The following CDKAL1 variants were observed in gnomAD, a reference collection of about 807,000 sequenced individuals.
The protein encoded by CDKAL1 is CDKAL1 threonylcarbamoyladenosine tRNA methylthiotransferase, also known as threonylcarbamoyladenosine tRNA methylthiotransferase.
Under a neutral mutation model 68.2 loss-of-function variants are expected in CDKAL1, and 32 were observed. That is an observed-to-expected ratio of 0.47 (90% confidence interval 0.35 to 0.63). The LOEUF is 0.63. CDKAL1 is among the 30% of genes least tolerant of loss of function. CDKAL1 has a pLI of 0.00. For missense variants in CDKAL1, 606 were observed against 696.7 expected, an observed-to-expected ratio of 0.87 and a Z score of 1.47; for synonymous variants, 234 against 244.3, an observed-to-expected ratio of 0.96 and a Z score of 0.39.
intron 11 of CDKAL1, among the ~76,000 whole-genome samples, chr6:21,009,737 C>A (rs962090023): frequency 3.9e-5 from 6 of 152,060 alleles, no homozygotes; most frequent in Non-Finnish European, 8.8e-5. Flanking sequence ...CTGAAATAAA[C>A]CAGGCACAGA....
At chr6:21,135,758 G>T (rs1649765893) in intron 13 of CDKAL1, 22 of 949,122 alleles carry the variant, frequency 2.3e-5, no homozygotes, top group Non-Finnish European at 2.8e-5. Flanking sequence ...GCTCAGGAAG[G>T]CAGTGCCAGA....
chr6:20,909,559 CAG>C (rs1762376679), intron 9 of CDKAL1, among the ~76,000 whole-genome samples: 1 of 152,166 alleles, frequency 6.6e-6, no homozygotes, highest in African/African-American at 2.4e-5. Context: ...GCATAAAACA[CAG>C]ATTTTATTTT....
At chr6:20,546,060 A>C (rs1425197040) in intron 2 of CDKAL1, among the ~76,000 whole-genome samples, 1 of 151,242 alleles carries the variant, frequency 6.6e-6, no homozygotes, top group East Asian at 1.9e-4. Flanking sequence ...TTCCTCTCCT[A>C]CTTTTTCCTA....
Position 20,781,181 on chromosome 6 carries a change from ATGGAAGGCGGCT to A in CDKAL1, c.558_569del (p.Arg187_Gly190del). 2 of 1,614,018 alleles carry A rather than the reference ATGGAAGGCGGCT, an allele frequency of 1.2e-6. No homozygotes were observed. The highest frequency in any genetic ancestry group is 1.1e-5 in the South Asian group (1 of 91,058). On this transcript the variant is annotated inframe_deletion, in exon 8 of 16. Coordinates refer to ENST00000274695, the MANE Select transcript of CDKAL1 (RefSeq NM_017774.3). ...AGACTGCTGGGTCAGAAAAAGGATA[ATGGAAGGCGGCT>A]TGGGGGAGCACGATTGGATTTGCCG...
intron 4 of CDKAL1, among the ~76,000 whole-genome samples, chr6:20,618,681 T>C (rs1767037849): frequency 6.6e-6 from 1 of 151,852 alleles, no homozygotes; most frequent in Non-Finnish European, 1.5e-5. Flanking sequence ...TATCAATTCT[T>C]TTCGTTTTTT....
chr6:20,905,783 T>A (rs1430349414), intron 9 of CDKAL1, among the ~76,000 whole-genome samples: 15 of 151,570 alleles, frequency 9.9e-5, no homozygotes, highest in Non-Finnish European at 2.1e-4. Context: ...TGGGCCAACA[T>A]AAAAGAAAAA....
At chr6:20,541,566 G>A (rs1246700334) in intron 2 of CDKAL1, among the ~76,000 whole-genome samples, 2 of 152,156 alleles carry the variant, frequency 1.3e-5, no homozygotes, top group South Asian at 2.1e-4. Flanking sequence ...GACTGACCTT[G>A]AACTGGTCAT....
At chr6:20,760,955 A>C (rs1774434429) in intron 7 of CDKAL1, among the ~76,000 whole-genome samples, 1 of 152,220 alleles carries the variant, frequency 6.6e-6, no homozygotes, top group South Asian at 2.1e-4. Flanking sequence ...GACACTGTCA[A>C]GAGGATGGGA....
intron 13 of CDKAL1, among the ~76,000 whole-genome samples, chr6:21,196,068 T>C (rs931664662): frequency 3.3e-5 from 5 of 152,206 alleles, no homozygotes; most frequent in Non-Finnish European, 7.3e-5. Context: ...TTACTGTCAT[T>C]GTTATCATCT....
chr6:20,916,563 A>G (rs2150637261), intron 9 of CDKAL1, among the ~76,000 whole-genome samples: 1 of 152,322 alleles, frequency 6.6e-6, no homozygotes, highest in East Asian at 1.9e-4. Flanking sequence ...GTTGAGAAGC[A>G]GTGGGCAGGA....
At chr6:20,701,354 A>G (rs1038663544) in intron 5 of CDKAL1, among the ~76,000 whole-genome samples, 1 of 151,048 alleles carries the variant, frequency 6.6e-6, no homozygotes, top group Non-Finnish European at 1.5e-5. Flanking sequence ...GGAAAAACCG[A>G]TGAATGGCAG....
chr6:20,687,242 T>C (rs1303051484), intron 5 of CDKAL1, among the ~76,000 whole-genome samples: 1 of 152,186 alleles, frequency 6.6e-6, no homozygotes, highest in African/African-American at 2.4e-5. Flanking sequence ...GAAAAAGTTA[T>C]GGAAAATTGT....
chr6:21,014,460 A>C (rs2150846677), intron 11 of CDKAL1, among the ~76,000 whole-genome samples: 1 of 152,162 alleles, frequency 6.6e-6, no homozygotes, highest in African/African-American at 2.4e-5. Flanking sequence ...CAAACAAAAA[A>C]ATTAGCTGGG....
chr6:20,848,773 GT>G (rs1332346628), intron 9 of CDKAL1, among the ~76,000 whole-genome samples: 3 of 149,376 alleles, frequency 2.0e-5, no homozygotes, highest in African/African-American at 7.4e-5. Context: ...AAATGTGGTT[GT>G]TTTTTTCTTT....
At chr6:20,739,426 T>A in intron 5 of CDKAL1, 93 bp from the exon 6 acceptor site, 1 of 694,244 alleles carries the variant, frequency 1.4e-6, no homozygotes, top group Non-Finnish European at 2.5e-6. Flanking sequence ...ATAGGCCTGT[T>A]ATTATTTGGA....
chr6:20,971,132 C>T (rs1287239886), intron 10 of CDKAL1, among the ~76,000 whole-genome samples: 1 of 152,198 alleles, frequency 6.6e-6, no homozygotes, highest in African/African-American at 2.4e-5. Flanking sequence ...CAGGCATGAG[C>T]CCACCATGCA....
chr6:21,205,646 G>A (rs34046046), intron 15 of CDKAL1, among the ~76,000 whole-genome samples: 1 of 135,900 alleles, frequency 7.4e-6, no homozygotes, highest in South Asian at 2.5e-4. Flanking sequence ...TTCTCCTGCC[G>A]CAGCCTCCCG....
In CDKAL1 at chr6:21,150,260, G is replaced by T. The variant is rs150175408; in HGVS notation, c.1299+41797G>T. ...CAGCACGCTTCCGGGGGCAAGAAAAGAATGGATGTTGGGTATTTATGAATA... is the reference window on the plus strand; with the variant it reads ...CAGCACGCTTCCGGGGGCAAGAAAATAATGGATGTTGGGTATTTATGAATA... On this transcript the variant is annotated intron_variant, in intron 13 of 15. Transcript: ENST00000274695. Among the ~76,000 whole-genome samples the T allele has an allele frequency of 2.0e-5, 3 of 152,294 alleles. No homozygotes were observed. The East Asian group carries it at 5.8e-4, about 29-fold the overall frequency.
intron 10 of CDKAL1, among the ~76,000 whole-genome samples, chr6:20,985,104 G>A (rs1395380793): frequency 6.6e-6 from 1 of 151,708 alleles, no homozygotes; most frequent in Non-Finnish European, 1.5e-5. Flanking sequence ...TTTTTAGGTC[G>A]ACGACTTGTA....
Sources: allele counts gnomAD v4.1 joint callset (sites outside exome capture counted in the v4.1 genomes callset), GRCh38; gene constraint gnomAD v4.1.1; transcripts MANE v1.5; gene names NCBI Gene and HGNC (gene_info 2026-07-23, HGNC 2026-07-21).